The following CUL3 variants were observed in gnomAD, a reference collection of about 807,000 sequenced individuals.
CUL3 encodes the protein cullin-3.
CUL3 carries 19 observed loss-of-function variants against 89.1 expected under a neutral mutation model. The ratio of observed to expected loss-of-function variants is 0.21; its 90% CI spans 0.15 to 0.31. The LOEUF (loss-of-function observed/expected upper bound fraction) is 0.31. CUL3 is among the 10% of genes least tolerant of loss of function. The pLI is 1.00. For synonymous variants in CUL3, 351 were observed against 308.4 expected (o/e 1.14, Z -1.45); for missense variants, 469 against 942.3 (o/e 0.50, Z 6.58).
rs766471279 is a variant in CUL3, at chr2:224,474,270, C to T, written c.2282G>A (p.Arg761His). 4 of 1,613,748 alleles carry T rather than the reference C, an allele frequency of 2.5e-6. No homozygotes were observed. The highest frequency in any genetic ancestry group is 3.4e-6 in the Non-Finnish European group (4 of 1,179,768). Residue 761 changes from arginine (R) to histidine (H), a missense_variant, in exon 16 of 16, where the codon CGC (arginine) becomes CAC (histidine). Transcript: ENST00000264414. ...TTATGCTACATATGTGTATACTTTG[C>T]GATCCTCAGGTGTTCGTGCCAAATA... The part of the protein sequence containing the change: ...REYLARTPED[R>H]KVYTYVA
At chr2:224,558,146 T>C (rs2106306264) in intron 1 of CUL3, among the ~76,000 whole-genome samples, 1 of 152,278 alleles carries the variant, frequency 6.6e-6, no homozygotes, top group East Asian at 1.9e-4. Context: ...ATGATTTATA[T>C]ACCCGTAAGT....
At chr2:224,582,595 T>C (rs1490512004) in intron 1 of CUL3, among the ~76,000 whole-genome samples, 1 of 152,196 alleles carries the variant, frequency 6.6e-6, no homozygotes, top group Non-Finnish European at 1.5e-5. Flanking sequence ...ATGTAAGGTT[T>C]TCAGAAAAAC....
intron 1 of CUL3, among the ~76,000 whole-genome samples, chr2:224,571,227 C>T (rs1177568740): frequency 6.6e-6 from 1 of 152,110 alleles, no homozygotes; most frequent in Non-Finnish European, 1.5e-5. Context: ...ATTGTACTTA[C>T]AGACCCTCTA....
In CUL3 at chr2:224,471,879, A is replaced by AT; in HGVS notation, c.*2365dup. 2 of 230,738 alleles carry AT rather than the reference A, an allele frequency of 8.7e-6. No individual in the cohort carries two copies. The highest frequency in any genetic ancestry group is 1.7e-5 in the Non-Finnish European group (2 of 116,610). 14.3% of individuals were successfully genotyped at this position (230,738 alleles called of 1,614,324 possible). On this transcript the variant is annotated 3_prime_UTR_variant, in exon 16 of 16. Coordinates refer to ENST00000264414, the MANE Select transcript of CUL3 (RefSeq NM_003590.5). The stretch of plus-strand genomic sequence containing the variant: ...ATCCACCCTCCTTAAAAGTCTTCTA[A>AT]TAAATCACCAAAATTTCTCTGCACC...
chr2:224,569,996 T>A (rs1018959632), intron 1 of CUL3, among the ~76,000 whole-genome samples: 7 of 147,674 alleles, frequency 4.7e-5, no homozygotes, highest in Admixed American at 3.4e-4. Context: ...TACAAGCATC[T>A]GAGGAATGGC....
At chr2:224,539,125 TAGAA>T (rs1474052407) in intron 2 of CUL3, among the ~76,000 whole-genome samples, 7 of 152,142 alleles carry the variant, frequency 4.6e-5, no homozygotes, top group African/African-American at 1.7e-4. Context: ...TCTTAAAACT[TAGAA>T]AGTAACTCAA....
chr2:224,574,556 G>A (rs1695256980), intron 1 of CUL3, among the ~76,000 whole-genome samples: 1 of 152,156 alleles, frequency 6.6e-6, no homozygotes, highest in Admixed American at 6.5e-5. Context: ...TGGTAACACA[G>A]GAGCTGCTCT....
chr2:224,475,053 T>C (rs1691263880), intron 15 of CUL3, among the ~76,000 whole-genome samples: 1 of 152,232 alleles, frequency 6.6e-6, no homozygotes, highest in Non-Finnish European at 1.5e-5. Context: ...AGTCTTGCTC[T>C]GTTGCCCAGG....
intron 3 of CUL3, among the ~76,000 whole-genome samples, chr2:224,516,056 TCTC>T (rs770307558): frequency 2.0e-5 from 3 of 152,098 alleles, no homozygotes; most frequent in Non-Finnish European, 2.9e-5. Context: ...CCTCCAACCT[TCTC>T]CTTTCATTCA....
At chr2:224,563,263 GC>G (rs1480457415) in intron 1 of CUL3, 1 of 470,974 alleles carries the variant, frequency 2.1e-6, no homozygotes, top group African/African-American at 2.0e-5. Flanking sequence ...CTTTTCCAGA[GC>G]CATTTAAATC....
chr2:224,583,101 T>C (rs938219802), intron 1 of CUL3, among the ~76,000 whole-genome samples: 11 of 152,146 alleles, frequency 7.2e-5, no homozygotes, highest in Admixed American at 6.5e-4. Context: ...TATATAGGCC[T>C]GGCGCGGTGG....
At chr2:224,532,555 CA>C (rs1260293204) in intron 3 of CUL3, among the ~76,000 whole-genome samples, 5 of 151,102 alleles carry the variant, frequency 3.3e-5, no homozygotes, top group African/African-American at 1.2e-4. Flanking sequence ...CAAAACTTAA[CA>C]TAATAGTTGA....
chr2:224,475,350 T>C (rs762908965), intron 15 of CUL3, among the ~76,000 whole-genome samples: 1 of 152,186 alleles, frequency 6.6e-6, no homozygotes, highest in Non-Finnish European at 1.5e-5. Context: ...AAATAAGTTG[T>C]CTCATTTTAC....
chr2:224,548,571 T>C lies in CUL3; in HGVS notation c.264+9088A>G, dbSNP rs565029645. Among the ~76,000 whole-genome samples the C allele has an allele frequency of 3.3e-5, 5 of 152,334 alleles. No individual in the cohort carries two copies. The South Asian group carries it at 6.2e-4, about 19-fold the overall frequency. On this transcript the variant is annotated intron_variant, in intron 2 of 15. Coordinates refer to ENST00000264414, the MANE Select transcript of CUL3 (RefSeq NM_003590.5). Reference sequence around the variant, plus strand: ...GTTCATTTATGAGGTTACCATGTTATTTGATTATTACTATGGAGTATTAAA... The same window carrying C: ...GTTCATTTATGAGGTTACCATGTTACTTGATTATTACTATGGAGTATTAAA...
intron 2 of CUL3, among the ~76,000 whole-genome samples, chr2:224,544,288 A>C (rs970227676): frequency 3.3e-5 from 5 of 152,202 alleles, no homozygotes; most frequent in Admixed American, 2.6e-4. Flanking sequence ...TTTTAAAATA[A>C]TTGACAGCCA....
chr2:224,506,722 A>G (rs1692616461), intron 7 of CUL3, 136 bp downstream of exon 7: 9 of 737,062 alleles, frequency 1.2e-5, no homozygotes, highest in Non-Finnish European at 1.9e-5. Flanking sequence ...AATATGTAGG[A>G]TAATTACAAA....
At chr2:224,511,627 A>T in intron 5 of CUL3, 45 bp from the exon 6 acceptor site, 1 of 1,166,282 alleles carries the variant, frequency 8.6e-7, no homozygotes, top group Non-Finnish European at 1.2e-6. Context: ...AGAAGAAAAG[A>T]GTGTTTTTGC....
In CUL3 at chr2:224,471,045, T is replaced by C. The variant is rs934098011; in HGVS notation, c.*3200A>G. On this transcript the variant is annotated 3_prime_UTR_variant, in exon 16 of 16. Transcript: ENST00000264414. ...AATATACATAAAATATTCAGAATAGTATCTGGCATATGATAAGCACTTAAA... is the reference window on the plus strand; with the variant it reads ...AATATACATAAAATATTCAGAATAGCATCTGGCATATGATAAGCACTTAAA... 9.7e-5 allele frequency: 22 copies of C among 225,850 alleles called. No homozygotes were observed. The highest frequency in any genetic ancestry group is 8.6e-4 in the Admixed American group (15 of 17,532). 14.0% of individuals were successfully genotyped at this position (225,850 alleles called of 1,614,324 possible). A position where few individuals can be genotyped will look rare whatever the true frequency, so the allele number is the denominator to read the frequency against.
At chr2:224,486,097 C>G (rs926238480) in intron 13 of CUL3, among the ~76,000 whole-genome samples, 1 of 152,206 alleles carries the variant, frequency 6.6e-6, no homozygotes, top group Non-Finnish European at 1.5e-5. Flanking sequence ...ATGCAAAAAC[C>G]CCATCCAGAG....
Sources: allele counts gnomAD v4.1 joint callset (sites outside exome capture counted in the v4.1 genomes callset), GRCh38; gene constraint gnomAD v4.1.1; transcripts MANE v1.5; gene names NCBI Gene and HGNC (gene_info 2026-07-23, HGNC 2026-07-21).